The following RGS7 variants were observed in gnomAD, a reference collection of about 807,000 sequenced individuals.
The protein encoded by RGS7 is regulator of G-protein signaling 7.
A neutral mutation model predicts 81.1 loss-of-function variants in RGS7; 27 were observed. That is an observed-to-expected ratio of 0.33 (90% confidence interval 0.25 to 0.46). The LOEUF is 0.46. Ranked by LOEUF, RGS7 falls within the 20% of genes least tolerant of loss-of-function variation. The probability of loss-of-function intolerance (pLI) is 1.00; values close to 1 mark genes in which losing one functional copy is unlikely to be tolerated. For missense variants in RGS7, 396 were observed against 607.4 expected (o/e 0.65, Z 3.66); for synonymous variants, 208 against 207.7 (o/e 1.00, Z -0.01).
At chr1:241,259,333 C>T (rs1464741454) in intron 2 of RGS7, among the ~76,000 whole-genome samples, 1 of 151,932 alleles carries the variant, frequency 6.6e-6, no homozygotes, top group Non-Finnish European at 1.5e-5. Flanking sequence ...GCCAAAAAGA[C>T]ACCACAAAGA....
At chr1:241,150,424 GA>G (rs199623158) in intron 2 of RGS7, among the ~76,000 whole-genome samples, 1,821 of 151,092 alleles carry the variant, frequency 0.012, 54 homozygotes, top group East Asian at 0.052. Flanking sequence ...AAGATAACCA[GA>G]AAAAAAAACT....
At chr1:240,866,606 G>GA (rs2148010486) in intron 9 of RGS7, among the ~76,000 whole-genome samples, 1 of 152,272 alleles carries the variant, frequency 6.6e-6, no homozygotes, top group African/African-American at 2.4e-5. Context: ...TTTCTAGTTG[G>GA]AAGCCTAGTG....
rs574315533 is a variant in RGS7 at position 240,800,679 on chromosome 1, G to A, written c.1456C>T (p.Pro486Ser). ...PIFPCHKNCT[P>S]TLRASTNLL ...AGGTTAGTGCTGGCCCTCAGTGTTGGTGTACAGTTTTTATGGCATGGGAAA... is the reference window on the plus strand; with the variant it reads ...AGGTTAGTGCTGGCCCTCAGTGTTGATGTACAGTTTTTATGGCATGGGAAA... Residue 486 changes from proline (P) to serine (S), a missense_variant, in exon 18 of 19, where the codon CCA becomes TCA. Coordinates refer to ENST00000440928, the MANE Select transcript of RGS7 (RefSeq NM_001364886.1). 6.5e-7 allele frequency: 1 copy of A among 1,547,862 alleles called. No individual in the cohort carries two copies. Among genetic ancestry groups the A allele is most frequent in the Non-Finnish European group, 8.7e-7 (1 of 1,144,922 alleles).
intron 13 of RGS7, 52 bp from the exon 14 acceptor site, chr1:240,812,095 T>C: frequency 1.2e-6 from 2 of 1,605,142 alleles, no homozygotes; most frequent in Non-Finnish European, 1.7e-6. Context: ...GAATTCCCAT[T>C]TTTTTGTTAT....
rs1056869009 is a variant in RGS7, at chr1:240,868,189, G to C, written c.609+398C>G. On this transcript the variant is annotated intron_variant, in intron 9 of 18. Transcript: ENST00000440928. This position sits in a 1 kb window ranked among gnomAD's most constrained non-coding sequence, Gnocchi z 5.1. ...AGGGAGGGAAGGACGAAGGAAGGAA[G>C]GAAGGAACGAAGGAACGAAGGGAGG... Among the ~76,000 whole-genome samples the C allele has an allele frequency of 1.3e-5, 2 of 149,418 alleles. No homozygotes were observed. Among genetic ancestry groups the C allele is most frequent in the African/African-American group, 5.0e-5 (2 of 40,062 alleles).
At chr1:240,936,332 A>T (rs192872406) in intron 5 of RGS7, among the ~76,000 whole-genome samples, 1 of 152,248 alleles carries the variant, frequency 6.6e-6, no homozygotes, top group African/African-American at 2.4e-5. Context: ...AAGTCACTTT[A>T]TGAATTTCCC....
In RGS7 at chr1:240,884,077, C is replaced by CA. The variant is rs4047365; in HGVS notation, c.386-13959dup. ...GGCGACAAGAGCAAAAACTCCATCT[C>CA]AAAAAAAAAAAAAAAAAAAAAAAAA... is the stretch of plus-strand genomic sequence containing the variant. On this transcript the variant is annotated intron_variant, in intron 6 of 18. Coordinates refer to ENST00000440928, the MANE Select transcript of RGS7 (RefSeq NM_001364886.1). Among the ~76,000 whole-genome samples, 239 of 57,376 alleles carry CA rather than the reference C, an allele frequency of 4.2e-3. 6 individuals are homozygous for CA. Among genetic ancestry groups the CA allele is most frequent in the African/African-American group, 8.0e-3 (104 of 12,926 alleles). The allele number at this position is 57,376 out of a possible 152,430, so 37.6% of individuals were successfully genotyped here. A position where few individuals can be genotyped will look rare whatever the true frequency, so the allele number is the denominator to read the frequency against.
At chr1:241,126,518 G>A (rs1370518826) in intron 2 of RGS7, among the ~76,000 whole-genome samples, 2 of 152,164 alleles carry the variant, frequency 1.3e-5, no homozygotes, top group African/African-American at 4.8e-5. Context: ...AAGCCTGCTT[G>A]GGTCAAATGC....
At chr1:240,934,413 C>T (rs530657465) in intron 5 of RGS7, among the ~76,000 whole-genome samples, 3 of 152,292 alleles carry the variant, frequency 2.0e-5, no homozygotes, top group Admixed American at 6.5e-5. Flanking sequence ...CTGCTTGGAA[C>T]CAACGTAAAA....
intron 6 of RGS7, among the ~76,000 whole-genome samples, chr1:240,922,782 G>A (rs973675095): frequency 6.6e-5 from 10 of 152,094 alleles, no homozygotes; most frequent in Non-Finnish European, 1.3e-4. Context: ...GCAAAATAGT[G>A]TAGCCACTTT....
At chr1:241,249,399 C>A (rs542446114) in intron 2 of RGS7, among the ~76,000 whole-genome samples, 25 of 151,662 alleles carry the variant, frequency 1.6e-4, no homozygotes, top group Non-Finnish European at 2.8e-4. Flanking sequence ...TCATATATGT[C>A]ATCTATTTCT....
intron 6 of RGS7, among the ~76,000 whole-genome samples, chr1:240,874,360 C>T (rs1664994103): frequency 1.3e-5 from 2 of 152,142 alleles, no homozygotes. Context: ...CCTTTTGTGA[C>T]TCTCACCAAG....
intron 2 of RGS7, among the ~76,000 whole-genome samples, chr1:241,323,488 A>G (rs1264312324): frequency 6.6e-6 from 1 of 152,242 alleles, no homozygotes; most frequent in Non-Finnish European, 1.5e-5. Flanking sequence ...TGCACACACA[A>G]GCCAGTGGCA....
intron 3 of RGS7, among the ~76,000 whole-genome samples, chr1:241,017,272 T>C (rs971938805): frequency 2.6e-5 from 4 of 152,026 alleles, no homozygotes; most frequent in African/African-American, 7.2e-5. Context: ...TGAAACCCCG[T>C]CTCTACTAAA....
intron 6 of RGS7, among the ~76,000 whole-genome samples, chr1:240,923,442 C>A (rs1047343082): frequency 6.6e-6 from 1 of 151,986 alleles, no homozygotes; most frequent in Non-Finnish European, 1.5e-5. Context: ...TTGGAACTCT[C>A]TGCATATTTT....
chr1:240,934,040 T>C (rs1356951499), intron 5 of RGS7, among the ~76,000 whole-genome samples: 1 of 152,182 alleles, frequency 6.6e-6, no homozygotes, highest in Non-Finnish European at 1.5e-5. Context: ...CTTGGCTCAC[T>C]GCAACCTTCG....
chr1:240,999,374 T>C (rs1687784507), intron 3 of RGS7, among the ~76,000 whole-genome samples: 2 of 151,788 alleles, frequency 1.3e-5, no homozygotes, highest in African/African-American at 4.8e-5. Flanking sequence ...TTTTTAAGAA[T>C]CACAAAAAAA....
At chr1:241,203,303 G>C (rs1334236004) in intron 2 of RGS7, among the ~76,000 whole-genome samples, 1 of 151,968 alleles carries the variant, frequency 6.6e-6, no homozygotes, top group East Asian at 1.9e-4. Flanking sequence ...CGTGATCTCG[G>C]CTCACTGCAA....
chr1:241,326,711 A>C (rs1480434588), intron 2 of RGS7, among the ~76,000 whole-genome samples: 3 of 133,520 alleles, frequency 2.2e-5, no homozygotes, highest in Non-Finnish European at 5.0e-5. Context: ...TGGGAGGCAA[A>C]GGTGGGCAGG....
Sources: gnomAD v4.1 joint callset for allele counts (sites outside exome capture counted in the v4.1 genomes callset) on GRCh38, gnomAD v4.1.1 for gene constraint, Gnocchi (gnomAD v3.1) non-coding constraint, MANE v1.5 for transcripts, NCBI Gene and HGNC (gene_info 2026-07-23, HGNC 2026-07-21) for gene names.